The following OSBPL3 variants were observed in gnomAD, a reference collection of about 807,000 sequenced individuals.
The protein encoded by OSBPL3 is oxysterol-binding protein-related protein 3.
OSBPL3 carries 65 observed loss-of-function variants against 120.1 expected under a neutral mutation model. That is an observed-to-expected ratio of 0.54 (90% CI 0.44 to 0.67). The LOEUF is 0.67. OSBPL3 is among the 30% of genes least tolerant of loss of function. The probability of loss-of-function intolerance (pLI) is 0.00; values close to 1 mark genes in which losing one functional copy is unlikely to be tolerated. For synonymous variants in OSBPL3, 416 were observed against 402.6 expected (o/e 1.03, Z -0.40); for missense variants, 1,004 against 1,082.1 (o/e 0.93, Z 1.01).
intron 1 of OSBPL3, among the ~76,000 whole-genome samples, chr7:24,908,397 C>G (rs977559497): frequency 1.3e-5 from 2 of 152,152 alleles, no homozygotes; most frequent in African/African-American, 4.8e-5. Flanking sequence ...GGTATTCATT[C>G]TAAAGTTTCA....
At chr7:24,814,459 T>TA (rs879840354) in intron 19 of OSBPL3, among the ~76,000 whole-genome samples, 145 of 142,550 alleles carry the variant, frequency 1.0e-3, no homozygotes, top group Admixed American at 1.2e-3. Flanking sequence ...AGCATGACAT[T>TA]AAAAAAAAAA....
chr7:24,927,315 A>G (rs1811183794), intron 1 of OSBPL3, among the ~76,000 whole-genome samples: 1 of 152,242 alleles, frequency 6.6e-6, no homozygotes, highest in Non-Finnish European at 1.5e-5. Flanking sequence ...GCCTTAAAAT[A>G]TGACTCAGAA....
intron 10 of OSBPL3, among the ~76,000 whole-genome samples, chr7:24,860,314 G>A (rs1004579980): frequency 1.3e-5 from 2 of 152,140 alleles, no homozygotes; most frequent in Admixed American, 1.3e-4. Flanking sequence ...CTACAGATAT[G>A]GTTTGGCTGT....
Position 24,851,304 on chromosome 7 carries a change from A to G in OSBPL3, c.1158+1200T>C, listed in dbSNP as rs6945734. 6.2e-4 allele frequency among the ~76,000 whole-genome samples: 95 copies of G among 152,362 alleles called. No homozygotes were observed. The highest frequency in any genetic ancestry group is 2.3e-3 in the African/African-American group (94 of 41,590). ...CTATCTGTGACCTTAAGACAACGTT[A>G]AGACTCTTCTTTATATATGGAGCAA... On this transcript the variant is annotated intron_variant, in intron 11 of 22. Coordinates refer to ENST00000313367, the MANE Select transcript of OSBPL3 (RefSeq NM_015550.4). The surrounding 1 kb of genome is among the most constrained non-coding windows in gnomAD (Gnocchi z 4.1).
intron 22 of OSBPL3, among the ~76,000 whole-genome samples, chr7:24,801,184 C>T (rs1300684859): frequency 7.7e-6 from 1 of 129,940 alleles, no homozygotes; most frequent in Non-Finnish European, 1.5e-5. Flanking sequence ...GAGGTTGCAG[C>T]AGAGAGCTAG....
Position 24,929,547 on chromosome 7 carries a change from G to T in OSBPL3, c.-149-36926C>A, listed in dbSNP as rs113345860. On this transcript the variant is annotated intron_variant, in intron 1 of 22. Transcript: ENST00000313367. ...CAGACTGTCCCACAGGTTTCAAAGA[G>T]AATTTGTATATTAATATATTCTATT... Among the ~76,000 whole-genome samples the T allele has an allele frequency of 2.1e-3, 312 of 151,926 alleles. 5 individuals carry two copies. The highest frequency in any genetic ancestry group is 6.7e-3 in the African/African-American group (277 of 41,414).
Position 24,933,511 on chromosome 7 carries a change from TTTA to T in OSBPL3, c.-149-40893_-149-40891del, listed in dbSNP as rs1486407647. ...AAATCCAGAAAAACATCGAGAAAAC[TTTA>T]TTAACAGTCTCAAGCTAGTCTAAAC... On this transcript the variant is annotated intron_variant, in intron 1 of 22. Transcript: ENST00000313367. The surrounding 1 kb of genome is among the most constrained non-coding windows in gnomAD (Gnocchi z 5.1). Among the ~76,000 whole-genome samples the T allele has an allele frequency of 2.0e-5, 3 of 152,156 alleles. No individual in the cohort carries two copies. The highest frequency in any genetic ancestry group is 1.3e-4 in the Admixed American group (2 of 15,284).
At chr7:24,917,428 T>TATATATATATATATATA (rs1562924930) in intron 1 of OSBPL3, among the ~76,000 whole-genome samples, 10 of 92,268 alleles carry the variant, frequency 1.1e-4, no homozygotes, top group East Asian at 8.7e-4. Flanking sequence ...ATATATATAT[T>TATATATATATATATATA]TGTAACATAT....
At chr7:24,979,755 CG>C (rs1251015577) in intron 1 of OSBPL3, 130 bp downstream of exon 1, 9 of 421,318 alleles carry the variant, frequency 2.1e-5, no homozygotes, top group Non-Finnish European at 2.9e-5. Flanking sequence ...GGAGCCTCCC[CG>C]GGCGACTCGG....
At position 24,844,292 on chromosome 7, in the gene OSBPL3, C is replaced by T. The variant is rs982069183; in HGVS notation, c.1267-1879G>A. ...AAGCGTGGCCAACCTACAGCCCGGG[C>T]GCCACATATGGCCCAGGATGGCTTT... On this transcript the variant is annotated intron_variant, in intron 12 of 22. Coordinates refer to ENST00000313367, the MANE Select transcript of OSBPL3 (RefSeq NM_015550.4). 6.6e-5 allele frequency among the ~76,000 whole-genome samples: 10 copies of T among 152,242 alleles called. No homozygotes were observed. The East Asian group carries it at 7.7e-4, about 12-fold the overall frequency.
At chr7:24,893,652 A>G (rs1364704849) in intron 1 of OSBPL3, among the ~76,000 whole-genome samples, 1 of 151,968 alleles carries the variant, frequency 6.6e-6, no homozygotes, top group Non-Finnish European at 1.5e-5. Flanking sequence ...TCTCTACTAA[A>G]AATACAAAAA....
In OSBPL3 at chr7:24,965,561, A is replaced by C. The variant is rs1816275185; in HGVS notation, c.-150+14325T>G. On this transcript the variant is annotated intron_variant, in intron 1 of 22. Coordinates refer to ENST00000313367, the MANE Select transcript of OSBPL3 (RefSeq NM_015550.4). The surrounding 1 kb of genome is among the most constrained non-coding windows in gnomAD (Gnocchi z 4.3). ...TTAAGACTTGGTCTTCTGCCTGCTG[A>C]ACCAATGCTTGGATTTGCTAAGGGG... Among the ~76,000 whole-genome samples, 1 of 152,154 alleles carries C rather than the reference A, an allele frequency of 6.6e-6. No individual in the cohort carries two copies. Among genetic ancestry groups the C allele is most frequent in the Non-Finnish European group, 1.5e-5 (1 of 68,018 alleles).
intron 16 of OSBPL3, among the ~76,000 whole-genome samples, chr7:24,826,020 ACC>A (rs1186126114): frequency 1.3e-5 from 2 of 152,178 alleles, no homozygotes; most frequent in Non-Finnish European, 2.9e-5. Context: ...TCCTTTCAAC[ACC>A]AAACCTTTCC....
chr7:24,851,892 C>T lies in OSBPL3; in HGVS notation c.1158+612G>A, dbSNP rs1799200888. Among the ~76,000 whole-genome samples, 1 of 152,150 alleles carries T rather than the reference C, an allele frequency of 6.6e-6. No individual in the cohort carries two copies. Among genetic ancestry groups the T allele is most frequent in the Non-Finnish European group, 1.5e-5 (1 of 68,022 alleles). ...ATTTGGGACCCTGTCAGTGATTTTC[C>T]TGTTACTATGAAGGTATAGTGATTG... On this transcript the variant is annotated intron_variant, in intron 11 of 22. Coordinates refer to ENST00000313367, the MANE Select transcript of OSBPL3 (RefSeq NM_015550.4). This position sits in a 1 kb window ranked among gnomAD's most constrained non-coding sequence, Gnocchi z 4.1.
At chr7:24,980,847 C>T (rs1818261131), upstream of OSBPL3, among the ~76,000 whole-genome samples, 1 of 152,048 alleles carries the variant, frequency 6.6e-6, no homozygotes, top group African/African-American at 2.4e-5. Context: ...GGGGAGAGCA[C>T]CGTCGTTACT....
rs1041328715 is a variant in OSBPL3 at position 24,965,635 on chromosome 7, A to G, written c.-150+14251T>C. Among the ~76,000 whole-genome samples the G allele has an allele frequency of 6.6e-6, 1 of 152,150 alleles. No homozygotes were observed. The highest frequency in any genetic ancestry group is 1.5e-5 in the Non-Finnish European group (1 of 68,024). On this transcript the variant is annotated intron_variant, in intron 1 of 22. Transcript: ENST00000313367. This position sits in a 1 kb window ranked among gnomAD's most constrained non-coding sequence, Gnocchi z 4.3. ...CCTAATAACTTATTAGAATTGTAGA[A>G]TCTCAGGTCCCATTAAATCAGAAAC... is the stretch of plus-strand genomic sequence containing the variant.
At position 24,849,441 on chromosome 7, in the gene OSBPL3, AAC is replaced by A. The variant is rs1798869636; in HGVS notation, c.1159-267_1159-266del. The A allele has an allele frequency of 1.2e-5, 3 of 251,966 alleles. No homozygotes were observed. The highest frequency in any genetic ancestry group is 1.4e-3 in the Middle Eastern group (1 of 706). 15.6% of individuals were successfully genotyped at this position (251,966 alleles called of 1,614,324 possible). A position where few individuals can be genotyped will look rare whatever the true frequency, so the allele number is the denominator to read the frequency against. ...ACATGGAGGGAGGGTTGGTAAGTGC[AAC>A]AGAGAGGGAAGTCACAGACACTGTC... is the stretch of plus-strand genomic sequence containing the variant. On this transcript the variant is annotated intron_variant, in intron 11 of 22. Coordinates refer to ENST00000313367, the MANE Select transcript of OSBPL3 (RefSeq NM_015550.4). This position sits in a 1 kb window ranked among gnomAD's most constrained non-coding sequence, Gnocchi z 5.4.
Position 24,797,901 on chromosome 7 carries a change from C to T in OSBPL3, c.*2282G>A, listed in dbSNP as rs73088329. On this transcript the variant is annotated 3_prime_UTR_variant, in exon 23 of 23. Coordinates refer to ENST00000313367, the MANE Select transcript of OSBPL3 (RefSeq NM_015550.4). This position sits in a 1 kb window ranked among gnomAD's most constrained non-coding sequence, Gnocchi z 4.8. Reference sequence around the variant, plus strand: ...AACTATAAAATGTCCTAGAGACATACATTTGGGGGAAAGATGCTTTTGAGA... The same window carrying T: ...AACTATAAAATGTCCTAGAGACATATATTTGGGGGAAAGATGCTTTTGAGA... 1 of 152,042 alleles carries T rather than the reference C, an allele frequency of 6.6e-6. No homozygotes were observed. The highest frequency in any genetic ancestry group is 1.9e-4 in the East Asian group (1 of 5,194). 9.4% of individuals were successfully genotyped at this position (152,042 alleles called of 1,614,324 possible).
intron 16 of OSBPL3, among the ~76,000 whole-genome samples, chr7:24,828,523 A>G (rs1464430124): frequency 6.7e-6 from 1 of 148,416 alleles, no homozygotes; most frequent in African/African-American, 2.5e-5. Flanking sequence ...TGCGAGGATC[A>G]CTTGAACTGG....
Sources: gnomAD v4.1 joint callset for allele counts (sites outside exome capture counted in the v4.1 genomes callset) on GRCh38, gnomAD v4.1.1 for gene constraint, Gnocchi (gnomAD v3.1) non-coding constraint, MANE v1.5 for transcripts, NCBI Gene and HGNC (gene_info 2026-07-23, HGNC 2026-07-21) for gene names.